DSCAML1: variants seen among roughly 807,000 people sequenced by gnomAD.
The protein encoded by DSCAML1 is DS cell adhesion molecule like 1.
In DSCAML1, 38 loss-of-function variants were observed where a neutral mutation model predicts 200.5. The observed-to-expected ratio is 0.19, with a 90% CI of 0.15 to 0.25. The LOEUF (loss-of-function observed/expected upper bound fraction) is 0.25. DSCAML1 is among the 10% of genes least tolerant of loss of function. The pLI, the probability that DSCAML1 is intolerant of heterozygous loss-of-function variation, is 1.00. For missense variants in DSCAML1, 2,223 were observed against 2,858.8 expected (o/e 0.78, Z 5.07); for synonymous variants, 1,215 against 1,165.0 (o/e 1.04, Z -0.87).
intron 3 of DSCAML1, among the ~76,000 whole-genome samples, chr11:117,604,129 C>T (rs759959809): frequency 1.5e-4 from 23 of 152,236 alleles, no homozygotes; most frequent in Non-Finnish European, 2.6e-4. Context: ...AGCTCATTAC[C>T]GACAATGCAG....
intron 1 of DSCAML1, among the ~76,000 whole-genome samples, chr11:117,782,818 A>T (rs142583955): frequency 1.4e-4 from 22 of 152,268 alleles, no homozygotes; most frequent in African/African-American, 5.1e-4. Context: ...TAACACTAAG[A>T]GACAACACTA....
chr11:117,743,491 G>A (rs2054460566), intron 3 of DSCAML1, among the ~76,000 whole-genome samples: 1 of 152,302 alleles, frequency 6.6e-6, no homozygotes, highest in Non-Finnish European at 1.5e-5. Flanking sequence ...AAGCTCCACA[G>A]GGAGCCATCT....
At chr11:117,727,515 T>C (rs953649762) in intron 3 of DSCAML1, among the ~76,000 whole-genome samples, 4 of 152,196 alleles carry the variant, frequency 2.6e-5, no homozygotes, top group Non-Finnish European at 4.4e-5. Flanking sequence ...TCTTGATGTA[T>C]TGCTTTTTAA....
chr11:117,512,350 G>A (rs1293663594), intron 8 of DSCAML1, among the ~76,000 whole-genome samples: 1 of 152,062 alleles, frequency 6.6e-6, no homozygotes, highest in Non-Finnish European at 1.5e-5. Context: ...CCCTCCTTGG[G>A]TAGTTCTTGG....
intron 2 of DSCAML1, among the ~76,000 whole-genome samples, chr11:117,777,290 C>A (rs945524311): frequency 1.3e-5 from 2 of 152,182 alleles, no homozygotes; most frequent in African/African-American, 4.8e-5. Context: ...CTAAGCCCTG[C>A]AATGTTATAT....
At chr11:117,583,710 T>A (rs2051087460) in intron 3 of DSCAML1, among the ~76,000 whole-genome samples, 1 of 152,154 alleles carries the variant, frequency 6.6e-6, no homozygotes, top group Non-Finnish European at 1.5e-5. Context: ...CCTGGCTCCA[T>A]CCCCGCCTAG....
rs1257241236 is a variant in DSCAML1, at chr11:117,486,369, C to CGGA, written c.2360-4208_2360-4207insTCC. On this transcript the variant is annotated intron_variant, in intron 11 of 32. Coordinates refer to ENST00000651296, the MANE Select transcript of DSCAML1 (RefSeq NM_020693.4). Reference sequence around the variant, plus strand: ...GTGATAATGGCGGATGTGAAAGTGGCTGATGTGAAAATGGCGGATGTGAAA... The same window carrying CGGA: ...GTGATAATGGCGGATGTGAAAGTGGCGGATGATGTGAAAATGGCGGATGTGAAA... 2.4e-4 allele frequency among the ~76,000 whole-genome samples: 36 copies of CGGA among 148,410 alleles called. 1 individual carries two copies. The highest frequency in any genetic ancestry group is 8.7e-4 in the African/African-American group (34 of 39,092).
chr11:117,530,318 AC>A (rs2050052778), intron 4 of DSCAML1, among the ~76,000 whole-genome samples: 2 of 152,042 alleles, frequency 1.3e-5, no homozygotes, highest in Admixed American at 6.6e-5. Context: ...CCAAATATTC[AC>A]GGAGGAGAAG....
intron 1 of DSCAML1, among the ~76,000 whole-genome samples, chr11:117,795,441 G>A (rs1256674534): frequency 6.6e-6 from 1 of 152,146 alleles, no homozygotes. Flanking sequence ...CCTGGGGAGA[G>A]GGAGACTGGG....
chr11:117,510,541 G>A (rs1019934373), intron 8 of DSCAML1, among the ~76,000 whole-genome samples: 14 of 152,046 alleles, frequency 9.2e-5, no homozygotes, highest in African/African-American at 2.7e-4. Context: ...ATCCCAGATC[G>A]CCTTATTTGA....
chr11:117,531,883 T>A (rs1330714507), intron 4 of DSCAML1, among the ~76,000 whole-genome samples: 2 of 127,598 alleles, frequency 1.6e-5, no homozygotes, highest in South Asian at 2.7e-4. Context: ...AGAAACTCCG[T>A]CTCAGGAAAA....
intron 3 of DSCAML1, among the ~76,000 whole-genome samples, chr11:117,579,741 C>A (rs1052398798): frequency 1.3e-5 from 2 of 152,146 alleles, no homozygotes; most frequent in Admixed American, 6.6e-5. Context: ...TTTTGTTTGC[C>A]ACTGTATTCC....
At position 117,566,346 on chromosome 11, in the gene DSCAML1, C is replaced by CTT. The variant is rs1407943724; in HGVS notation, c.512-33825_512-33824insAA. 1.3e-4 allele frequency among the ~76,000 whole-genome samples: 15 copies of CTT among 112,144 alleles called. No homozygotes were observed. In the South Asian group the frequency reaches 2.1e-3, roughly 16 times the overall value. The allele number at this position is 112,144 out of a possible 152,430, so 73.6% of individuals were successfully genotyped here. On this transcript the variant is annotated intron_variant, in intron 3 of 32. Transcript: ENST00000651296. ...CTTTCTCCCTTTCTTTTCTTTCTCTCTCTCTCTCTCTTTTTTTTTTTTCTA... is the reference window on the plus strand; with the variant it reads ...CTTTCTCCCTTTCTTTTCTTTCTCTCTTTCTCTCTCTCTTTTTTTTTTTTCTA...
At chr11:117,718,744 T>C (rs1325524009) in intron 3 of DSCAML1, among the ~76,000 whole-genome samples, 1 of 140,122 alleles carries the variant, frequency 7.1e-6, no homozygotes, top group Non-Finnish European at 1.5e-5. Flanking sequence ...TACTCGTTAC[T>C]GCGCACTTGG....
At chr11:117,491,399 C>G (rs1219755792) in intron 11 of DSCAML1, among the ~76,000 whole-genome samples, 1 of 152,232 alleles carries the variant, frequency 6.6e-6, no homozygotes, top group Admixed American at 6.5e-5. Flanking sequence ...TAAATTGCCC[C>G]TGGTCACATG....
chr11:117,687,050 A>G (rs2053411709), intron 3 of DSCAML1, among the ~76,000 whole-genome samples: 1 of 152,172 alleles, frequency 6.6e-6, no homozygotes, highest in Non-Finnish European at 1.5e-5. Context: ...AGCTGCAGAC[A>G]CAGGGGTACC....
chr11:117,523,290 A>G (rs1247719026), intron 5 of DSCAML1, among the ~76,000 whole-genome samples: 3 of 151,070 alleles, frequency 2.0e-5, no homozygotes, highest in Non-Finnish European at 2.9e-5. Flanking sequence ...AAGAGAGAGA[A>G]AGAGAGAGAG....
intron 1 of DSCAML1, among the ~76,000 whole-genome samples, chr11:117,810,768 T>C (rs1467630636): frequency 6.6e-6 from 1 of 152,204 alleles, no homozygotes; most frequent in East Asian, 1.9e-4. Flanking sequence ...ATTCTTGTCG[T>C]AAAATGGGCA....
chr11:117,572,679 T>C (rs1400929534), intron 3 of DSCAML1, among the ~76,000 whole-genome samples: 1 of 152,186 alleles, frequency 6.6e-6, no homozygotes. Context: ...GAGGCGGGGA[T>C]ATGCTATGCA....
Sources: gnomAD v4.1 joint callset for allele counts (sites outside exome capture counted in the v4.1 genomes callset) on GRCh38, gnomAD v4.1.1 for gene constraint, MANE v1.5 for transcripts, NCBI Gene and HGNC (gene_info 2026-07-23, HGNC 2026-07-21) for gene names.